Variants in SGK1 observed in about 807,000 individuals in gnomAD.
SGK1 encodes serum/glucocorticoid regulated kinase 1.
SGK1 carries 26 observed loss-of-function variants against 64.2 expected under a neutral mutation model. The ratio of observed to expected loss-of-function variants is 0.40; its 90% CI spans 0.30 to 0.56. The LOEUF (loss-of-function observed/expected upper bound fraction) is 0.56. Among genes scored for constraint, SGK1 ranks in the 20% least tolerant of loss-of-function variants. The pLI is 0.38. For synonymous variants in SGK1, 265 were observed against 239.7 expected, an observed-to-expected ratio of 1.11 and a Z score of -0.98; for missense variants, 519 against 645.6, an observed-to-expected ratio of 0.80 and a Z score of 2.12.
chr6:134,228,624 A>G (rs1270607350), intron 2 of SGK1, among the ~76,000 whole-genome samples: 1 of 152,204 alleles, frequency 6.6e-6, no homozygotes, highest in Non-Finnish European at 1.5e-5. Flanking sequence ...ATAGTAGTCG[A>G]TCAGTGGAGA....
intron 2 of SGK1, among the ~76,000 whole-genome samples, chr6:134,240,216 T>A (rs1018088600): frequency 2.1e-5 from 3 of 142,544 alleles, no homozygotes; most frequent in Non-Finnish European, 3.0e-5. Context: ...CGCTTGAACC[T>A]GGGAGGCAGA....
At chr6:134,257,669 A>G (rs1047111273) in intron 2 of SGK1, among the ~76,000 whole-genome samples, 1 of 152,170 alleles carries the variant, frequency 6.6e-6, no homozygotes, top group Non-Finnish European at 1.5e-5. Context: ...GCTGAGGCCT[A>G]TCATATGATG....
At chr6:134,213,453 G>A (rs931893101) in intron 2 of SGK1, among the ~76,000 whole-genome samples, 6 of 151,636 alleles carry the variant, frequency 4.0e-5, no homozygotes, top group East Asian at 1.9e-4. Flanking sequence ...CCTGGGAGAC[G>A]GAGGTTGCAA....
rs1776213921 is a variant in SGK1, at chr6:134,228,011, G to A, written c.286-20580C>T. 2.9e-5 allele frequency among the ~76,000 whole-genome samples: 4 copies of A among 137,894 alleles called. No individual in the cohort carries two copies. In the South Asian group the frequency reaches 8.9e-4, roughly 31 times the overall value. 90.5% of individuals were successfully genotyped at this position (137,894 alleles called of 152,430 possible). A position where few individuals can be genotyped will look rare whatever the true frequency, so the allele number is the denominator to read the frequency against. On this transcript the variant is annotated intron_variant, in intron 2 of 13. Transcript: ENST00000367858. ...GGTCTGTCACCCAGGCTAGAATGCA[G>A]TGGCACGATCTCAGCTCACTGCAAC...
rs1018427123 is a variant in SGK1 at position 134,169,634 on chromosome 6, C to T, written c.*634G>A. On this transcript the variant is annotated 3_prime_UTR_variant, in exon 14 of 14. Transcript: ENST00000367858. ...AATGCTTTCTTTAAGCATCTGAATACGAGTCATTGCAAGACCATTTCAATA... is the reference window on the plus strand; with the variant it reads ...AATGCTTTCTTTAAGCATCTGAATATGAGTCATTGCAAGACCATTTCAATA... 3.3e-5 allele frequency: 5 copies of T among 152,572 alleles called. No individual in the cohort carries two copies. Among genetic ancestry groups the T allele is most frequent in the African/African-American group, 4.8e-5 (2 of 41,418 alleles). The allele number at this position is 152,572 out of a possible 1,614,324, so 9.5% of individuals were successfully genotyped here.
chr6:134,187,891 C>T lies in SGK1; in HGVS notation c.362-13305G>A, dbSNP rs542858479. On this transcript the variant is annotated intron_variant, in intron 3 of 13. Transcript: ENST00000367858. ...GAAGCTGTCCAATATAATCAGCCTGCGACCAGGTGGCTGGCAGATCACCCC... is the reference window on the plus strand; with the variant it reads ...GAAGCTGTCCAATATAATCAGCCTGTGACCAGGTGGCTGGCAGATCACCCC... Among the ~76,000 whole-genome samples, 376 of 152,288 alleles carry T rather than the reference C, an allele frequency of 2.5e-3. 3 individuals are homozygous for T. The highest frequency in any genetic ancestry group is 8.5e-3 in the African/African-American group (354 of 41,564).
At chr6:134,240,573 T>TAA (rs1404050954) in intron 2 of SGK1, among the ~76,000 whole-genome samples, 5 of 152,242 alleles carry the variant, frequency 3.3e-5, no homozygotes, top group Non-Finnish European at 7.3e-5. Flanking sequence ...GAAATAATGC[T>TAA]ATCTCTTACA....
At chr6:134,245,134 G>A (rs1398658055) in intron 2 of SGK1, among the ~76,000 whole-genome samples, 1 of 151,880 alleles carries the variant, frequency 6.6e-6, no homozygotes, top group African/African-American at 2.4e-5. Flanking sequence ...TTAGAGATGA[G>A]GTCTTGCTAT....
At chr6:134,171,851 T>C (rs569887563) in intron 10 of SGK1, 119 bp from the exon 11 acceptor site, 23 of 684,320 alleles carry the variant, frequency 3.4e-5, no homozygotes, top group African/African-American at 3.2e-4. Context: ...TAGATATCTT[T>C]AGATTCCTTC....
chr6:134,190,443 G>T (rs567102153), intron 3 of SGK1, among the ~76,000 whole-genome samples: 2 of 152,018 alleles, frequency 1.3e-5, no homozygotes, highest in Non-Finnish European at 2.9e-5. Flanking sequence ...ACACCACCAG[G>T]CATGGCTAAT....
chr6:134,243,476 TC>T (rs1776478393), intron 2 of SGK1, among the ~76,000 whole-genome samples: 1 of 152,140 alleles, frequency 6.6e-6, no homozygotes, highest in African/African-American at 2.4e-5. Flanking sequence ...TTCAAGCGAT[TC>T]CCCTGCCTCA....
At chr6:134,281,004 G>A (rs1197448471) in intron 1 of SGK1, among the ~76,000 whole-genome samples, 1 of 152,140 alleles carries the variant, frequency 6.6e-6, no homozygotes, top group Non-Finnish European at 1.5e-5. Flanking sequence ...AAAGGCAGAG[G>A]TTGCAGTGAG....
At chr6:134,284,775 C>CA (rs1181187896) in intron 1 of SGK1, among the ~76,000 whole-genome samples, 12 of 152,306 alleles carry the variant, frequency 7.9e-5, no homozygotes, top group African/African-American at 2.6e-4. Context: ...TGAGCCACCA[C>CA]ACCCAGCCAA....
chr6:134,196,582 A>G (rs1775597690), intron 3 of SGK1, among the ~76,000 whole-genome samples: 1 of 152,240 alleles, frequency 6.6e-6, no homozygotes, highest in Non-Finnish European at 1.5e-5. Flanking sequence ...TCACGACACA[A>G]CCACAACAGA....
Position 134,262,157 on chromosome 6 carries a change from T to A in SGK1, c.70-9A>T. ...TTGATCCACCTTCGTACCTGCAATGTGCAAAAGGAAAGAAAAAACAAATGT... is the reference window on the plus strand; with the variant it reads ...TTGATCCACCTTCGTACCTGCAATGAGCAAAAGGAAAGAAAAAACAAATGT... On this transcript the variant is annotated splice_polypyrimidine_tract_variant and intron_variant, in intron 1 of 13. Transcript: ENST00000367858. The A allele has an allele frequency of 6.5e-7, 1 of 1,541,816 alleles. No homozygotes were observed.
intron 1 of SGK1, among the ~76,000 whole-genome samples, chr6:134,309,877 A>T (rs1242179269): frequency 6.6e-6 from 1 of 152,030 alleles, no homozygotes; most frequent in Admixed American, 6.6e-5. Context: ...ACTTATTTCT[A>T]AAAAAAATTA....
intron 1 of SGK1, among the ~76,000 whole-genome samples, chr6:134,296,745 TGGCAGAGCTAGCTGA>T (rs1777353110): frequency 6.9e-6 from 1 of 144,504 alleles, no homozygotes; most frequent in African/African-American, 2.5e-5. Flanking sequence ...CTTTTTTTTT[TGGCAGAGCTAGCTGA>T]GGTTTTATTT....
intron 1 of SGK1, among the ~76,000 whole-genome samples, chr6:134,313,752 T>C (rs1315803718): frequency 2.6e-5 from 4 of 152,190 alleles, no homozygotes; most frequent in Non-Finnish European, 4.4e-5. Flanking sequence ...CAAAAGGTAA[T>C]GTAATCATGG....
chr6:134,269,306 CTT>C (rs1776905227), intron 1 of SGK1, among the ~76,000 whole-genome samples: 2 of 146,452 alleles, frequency 1.4e-5, no homozygotes, highest in South Asian at 4.5e-4. Flanking sequence ...AGAGAACTGA[CTT>C]TGCTTACTTG....
Sources: gnomAD v4.1 joint callset for allele counts (sites outside exome capture counted in the v4.1 genomes callset) on GRCh38, gnomAD v4.1.1 for gene constraint, MANE v1.5 for transcripts, NCBI Gene and HGNC (gene_info 2026-07-23, HGNC 2026-07-21) for gene names.